SYNPR: variants seen among roughly 807,000 people sequenced by gnomAD.
SYNPR encodes the protein synaptoporin.
Under a neutral mutation model 32.9 loss-of-function variants are expected in SYNPR, and 23 were observed. The observed-to-expected ratio is 0.70, with a 90% CI of 0.50 to 0.99. SYNPR has a LOEUF of 0.99. Ranked by LOEUF, SYNPR falls within the 50% of genes least tolerant of loss-of-function variation. SYNPR has a pLI of 0.00. For synonymous variants in SYNPR, 146 were observed against 135.9 expected (o/e 1.07, Z -0.52); for missense variants, 318 against 349.3 (o/e 0.91, Z 0.71).
chr3:63,345,404 TG>T (rs2087424920), intron 2 of SYNPR, among the ~76,000 whole-genome samples: 1 of 152,236 alleles, frequency 6.6e-6, no homozygotes, highest in Non-Finnish European at 1.5e-5. Context: ...GTCATAATTT[TG>T]CATAGTCAGT....
intron 2 of SYNPR, among the ~76,000 whole-genome samples, chr3:63,286,960 G>T (rs1244556458): frequency 6.6e-6 from 1 of 152,178 alleles, no homozygotes; most frequent in African/African-American, 2.4e-5. Flanking sequence ...GCGTAATATA[G>T]TTACTGGACA....
chr3:63,607,605 A>G (rs1700142366), intron 4 of SYNPR, among the ~76,000 whole-genome samples: 2 of 152,210 alleles, frequency 1.3e-5, no homozygotes, highest in Admixed American at 1.3e-4. Flanking sequence ...AGGTTAAAAT[A>G]CCCATGCCAT....
chr3:63,204,026 C>T, the SYNPR span, among the ~76,000 whole-genome samples: 1 of 151,966 alleles, frequency 6.6e-6, no homozygotes, highest in Non-Finnish European at 1.5e-5. Flanking sequence ...AAAAAGTTTG[C>T]TGGCTGGCTA....
intron 4 of SYNPR, among the ~76,000 whole-genome samples, chr3:63,566,254 AAGAT>A (rs1702787203): frequency 6.6e-6 from 1 of 152,200 alleles, no homozygotes; most frequent in Non-Finnish European, 1.5e-5. Context: ...CAAAGTGGTA[AAGAT>A]CTGGGAAAAA....
At chr3:63,584,237 T>C (rs1181702340) in intron 4 of SYNPR, among the ~76,000 whole-genome samples, 3 of 152,044 alleles carry the variant, frequency 2.0e-5, no homozygotes, top group Admixed American at 6.6e-5. Flanking sequence ...GAGCCTTGTG[T>C]GGTGAGAAAA....
chr3:63,334,262 T>C lies in SYNPR; in HGVS notation c.84+55520T>C, dbSNP rs143478733. Reference sequence around the variant, plus strand: ...ATGTGCTTGTAAGACCTCTCAAGAATTGGCTTTGGCTCAATACTTAAAATC... The same window carrying C: ...ATGTGCTTGTAAGACCTCTCAAGAACTGGCTTTGGCTCAATACTTAAAATC... On this transcript the variant is annotated intron_variant, in intron 2 of 5. Transcript: ENST00000478300. Among the ~76,000 whole-genome samples the C allele has an allele frequency of 3.8e-3, 579 of 152,304 alleles. 5 individuals are homozygous for C. Among genetic ancestry groups the C allele is most frequent in the African/African-American group, 0.013 (548 of 41,574 alleles).
chr3:63,237,902 G>C (rs2086211213), intron 1 of SYNPR, among the ~76,000 whole-genome samples: 1 of 151,994 alleles, frequency 6.6e-6, no homozygotes, highest in Non-Finnish European at 1.5e-5. Context: ...AGCATCTAAG[G>C]CTTGGCAGAG....
chr3:63,355,791 C>T (rs952899512), intron 2 of SYNPR, among the ~76,000 whole-genome samples: 3 of 152,146 alleles, frequency 2.0e-5, no homozygotes, highest in Admixed American at 6.5e-5. Flanking sequence ...CTTTGCTCTC[C>T]ACCTAGTTAA....
intron 3 of SYNPR, among the ~76,000 whole-genome samples, chr3:63,499,461 T>G (rs1701437037): frequency 6.6e-6 from 1 of 150,498 alleles, no homozygotes; most frequent in African/African-American, 2.4e-5. Context: ...CTAGAGAGAG[T>G]AGGAACAAAG....
At chr3:63,528,349 G>A (rs915412865) in intron 3 of SYNPR, among the ~76,000 whole-genome samples, 1 of 152,156 alleles carries the variant, frequency 6.6e-6, no homozygotes, top group African/African-American at 2.4e-5. Context: ...ACTCTGCACT[G>A]TTAATATTCA....
At chr3:63,443,544 A>G (rs1441544110) in intron 2 of SYNPR, 1 of 1,484,806 alleles carries the variant, frequency 6.7e-7, no homozygotes, top group Non-Finnish European at 9.2e-7. Flanking sequence ...CCATAGGCAC[A>G]TTTGGATTGT....
chr3:63,332,657 C>G, intron 2 of SYNPR, among the ~76,000 whole-genome samples: 1 of 152,138 alleles, frequency 6.6e-6, no homozygotes, highest in Non-Finnish European at 1.5e-5. Context: ...ATCATTTGGT[C>G]TTAAGCACAA....
intron 2 of SYNPR, among the ~76,000 whole-genome samples, chr3:63,404,044 A>G (rs1373784725): frequency 3.9e-5 from 6 of 152,222 alleles, no homozygotes; most frequent in Non-Finnish European, 5.9e-5. Flanking sequence ...ACCATTTACT[A>G]GAGAACAAAA....
chr3:63,523,181 C>G (rs1288934848), intron 3 of SYNPR, among the ~76,000 whole-genome samples: 1 of 152,132 alleles, frequency 6.6e-6, no homozygotes, highest in Non-Finnish European at 1.5e-5. Flanking sequence ...TGCCATCTCA[C>G]TGACTGAGCT....
chr3:63,330,898 A>G (rs939786245), intron 2 of SYNPR, among the ~76,000 whole-genome samples: 1 of 152,134 alleles, frequency 6.6e-6, no homozygotes, highest in Admixed American at 6.5e-5. Context: ...GAATAGCCCC[A>G]TTAGATAAGG....
intron 2 of SYNPR, among the ~76,000 whole-genome samples, chr3:63,295,711 T>C (rs893841731): frequency 1.1e-4 from 17 of 152,224 alleles, no homozygotes; most frequent in African/African-American, 3.9e-4. Context: ...AATGAAAGGA[T>C]GATCTTGATT....
upstream of SYNPR, among the ~76,000 whole-genome samples, chr3:63,225,428 A>T (rs541271982): frequency 2.3e-4 from 35 of 152,258 alleles, 1 homozygote; most frequent in South Asian, 7.2e-3. Context: ...CAATTACAGA[A>T]TCTCATTTCA....
At chr3:63,262,039 C>A (rs950156410) in intron 2 of SYNPR, among the ~76,000 whole-genome samples, 33 of 143,930 alleles carry the variant, frequency 2.3e-4, no homozygotes, top group Non-Finnish European at 3.7e-4. Context: ...AAAAAAAAAA[C>A]AAACTCATGA....
At chr3:63,354,433 C>A (rs1343700904) in intron 2 of SYNPR, among the ~76,000 whole-genome samples, 1 of 152,158 alleles carries the variant, frequency 6.6e-6, no homozygotes, top group Non-Finnish European at 1.5e-5. Context: ...TCAAACCTAA[C>A]TGCAGGTTAG....
Sources: gnomAD v4.1 joint callset for allele counts (sites outside exome capture counted in the v4.1 genomes callset) on GRCh38, gnomAD v4.1.1 for gene constraint, MANE v1.5 for transcripts, NCBI Gene and HGNC (gene_info 2026-07-23, HGNC 2026-07-21) for gene names.